The following OSBPL10 variants were observed in gnomAD, a reference collection of about 807,000 sequenced individuals.
OSBPL10 encodes the protein oxysterol-binding protein-related protein 10.
OSBPL10 carries 49 observed loss-of-function variants against 81.7 expected under a neutral mutation model. The observed-to-expected ratio is 0.60, with a 90% CI of 0.48 to 0.76. The LOEUF (loss-of-function observed/expected upper bound fraction) is 0.76. Ranked by LOEUF, OSBPL10 falls within the 30% of genes least tolerant of loss-of-function variation. The pLI is 0.00. For missense variants in OSBPL10, 923 were observed against 987.8 expected, an observed-to-expected ratio of 0.93 and a Z score of 0.88; for synonymous variants, 419 against 383.6, an observed-to-expected ratio of 1.09 and a Z score of -1.08.
At chr3:31,833,737 A>ACACACACACT (rs1491340793) in intron 3 of OSBPL10, among the ~76,000 whole-genome samples, 71 of 139,934 alleles carry the variant, frequency 5.1e-4, no homozygotes, top group East Asian at 2.7e-3. Flanking sequence ...ACACACACAC[A>ACACACACACT]CTCTCTCTCT....
chr3:32,067,751 CA>C (rs1276458926), intron 1 of OSBPL10, among the ~76,000 whole-genome samples: 4 of 152,198 alleles, frequency 2.6e-5, no homozygotes, highest in African/African-American at 9.6e-5. Flanking sequence ...CCACTACCCA[CA>C]AAACATTGCT....
chr3:31,865,305 G>A (rs905784800), intron 3 of OSBPL10, among the ~76,000 whole-genome samples: 27 of 152,194 alleles, frequency 1.8e-4, no homozygotes, highest in African/African-American at 6.5e-4. Context: ...TGTGGCTACT[G>A]AGCACTTGAA....
intron 1 of OSBPL10, among the ~76,000 whole-genome samples, chr3:31,957,096 C>T (rs1195772259): frequency 6.6e-6 from 1 of 151,548 alleles, no homozygotes; most frequent in East Asian, 2.0e-4. Flanking sequence ...GACTGTGCCA[C>T]TGCACTCCAG....
intron 1 of OSBPL10, among the ~76,000 whole-genome samples, chr3:31,951,943 A>G (rs878911802): frequency 3.3e-4 from 50 of 152,316 alleles, no homozygotes; most frequent in Middle Eastern, 3.4e-3. Context: ...AAGATTCAAG[A>G]ATCCCTGCCT....
In OSBPL10 at chr3:32,049,063, G is replaced by A. The variant is rs185346601; in HGVS notation, n.186-2460C>T. Among the ~76,000 whole-genome samples the A allele has an allele frequency of 3.4e-3, 522 of 152,290 alleles. 3 individuals are homozygous for A. Among genetic ancestry groups the A allele is most frequent in the African/African-American group, 0.012 (498 of 41,560 alleles). On this transcript the variant is annotated intron_variant and non_coding_transcript_variant, in intron 1 of 3. Coordinates refer to the OSBPL10 transcript ENST00000479173. ...AAGAGGGAAGGACCCCTCAGTTCCA[G>A]GAAATCCCTGCCCATTTCCCAGAAA...
chr3:32,017,546 T>C (rs1209238391), intron 2 of OSBPL10, among the ~76,000 whole-genome samples: 1 of 152,136 alleles, frequency 6.6e-6, no homozygotes, highest in African/African-American at 2.4e-5. Context: ...ATCTACTGTT[T>C]GGTCTGTTTG....
At chr3:31,968,893 T>C (rs1337627492) in intron 1 of OSBPL10, among the ~76,000 whole-genome samples, 1 of 152,228 alleles carries the variant, frequency 6.6e-6, no homozygotes, top group East Asian at 1.9e-4. Flanking sequence ...CAAAGAAATT[T>C]GCTGGAGCAA....
At chr3:31,753,555 T>C (rs1444334174) in intron 4 of OSBPL10, among the ~76,000 whole-genome samples, 1 of 152,184 alleles carries the variant, frequency 6.6e-6, no homozygotes, top group African/African-American at 2.4e-5. Flanking sequence ...ACATGGCTGC[T>C]TTATTATCCT....
In OSBPL10 at chr3:31,879,688, A is replaced by C; in HGVS notation, c.424T>G (p.Tyr142Asp). Residue 142 changes from tyrosine to aspartate, a missense_variant, in exon 2 of 12, where the codon TAC becomes GAC. Around this residue, in one of 3 missense-constraint regions of OSBPL10, gnomAD observed 514 missense variants for 508.0 expected, o/e 1.01. Transcript: ENST00000396556. ...SDEAPHMLVV[Y>D]SANGEMFKLR... Reference sequence around the variant, plus strand: ...TTAAACATCTCTCCATTAGCAGAGTACACCACCAGCATGTGGGGAGCTTCA... The same window carrying C: ...TTAAACATCTCTCCATTAGCAGAGTCCACCACCAGCATGTGGGGAGCTTCA... 6.2e-7 allele frequency: 1 copy of C among 1,614,186 alleles called. No homozygotes were observed. Among genetic ancestry groups the C allele is most frequent in the Non-Finnish European group, 8.5e-7 (1 of 1,180,020 alleles).
intron 6 of OSBPL10, among the ~76,000 whole-genome samples, chr3:31,732,135 T>G (rs1310161264): frequency 6.6e-6 from 1 of 152,200 alleles, no homozygotes; most frequent in African/African-American, 2.4e-5. Flanking sequence ...CTGATTCACT[T>G]ACACATCAGC....
rs1476265635 is a variant in OSBPL10, at chr3:31,719,956, T to C, written c.1095+13301A>G. Among the ~76,000 whole-genome samples, 9 of 151,606 alleles carry C rather than the reference T, an allele frequency of 5.9e-5. No homozygotes were observed. In the East Asian group the frequency reaches 1.5e-3, roughly 26 times the overall value. On this transcript the variant is annotated intron_variant, in intron 6 of 11. Coordinates refer to ENST00000396556, the MANE Select transcript of OSBPL10 (RefSeq NM_017784.5). ...ATCTCTACGTACTGACAAGGGAAGA[T>C]ACCTAAGATATATTGTCTAATTGAC...
At chr3:31,995,802 T>C (rs7634837) in intron 2 of OSBPL10, among the ~76,000 whole-genome samples, 54,055 of 152,038 alleles carry the variant, frequency 0.36, 13,273 homozygotes, top group African/African-American at 0.69. Context: ...TGACTTCCCG[T>C]GACACCCCAG....
At chr3:31,907,470 T>C (rs1371666086) in intron 1 of OSBPL10, among the ~76,000 whole-genome samples, 2 of 151,290 alleles carry the variant, frequency 1.3e-5, no homozygotes, top group East Asian at 3.9e-4. Context: ...CCACTAAAAA[T>C]ACAAAAAGTA....
At chr3:31,773,945 C>T (rs553888308) in intron 4 of OSBPL10, among the ~76,000 whole-genome samples, 2 of 152,204 alleles carry the variant, frequency 1.3e-5, no homozygotes, top group Non-Finnish European at 2.9e-5. Context: ...GGGTGGATCA[C>T]GAGGTCAGGA....
chr3:31,966,567 C>A (rs538284949), intron 1 of OSBPL10, among the ~76,000 whole-genome samples: 8 of 151,796 alleles, frequency 5.3e-5, no homozygotes, highest in Non-Finnish European at 1.0e-4. Flanking sequence ...AAAAGAAACA[C>A]GAACAAGTTA....
intron 7 of OSBPL10, among the ~76,000 whole-genome samples, chr3:31,688,722 G>A (rs919721384): frequency 1.1e-4 from 17 of 152,054 alleles, no homozygotes; most frequent in Admixed American, 9.8e-4. Flanking sequence ...TGCTTCTCTC[G>A]AGCAACATGA....
At chr3:31,874,917 C>A (rs1219739748) in intron 3 of OSBPL10, among the ~76,000 whole-genome samples, 1 of 151,958 alleles carries the variant, frequency 6.6e-6, no homozygotes, top group African/African-American at 2.4e-5. Context: ...CACATTACAG[C>A]ATTATATGTG....
chr3:31,662,275 C>A, intron 11 of OSBPL10, 159 bp from the exon 12 acceptor site: 1 of 1,402,340 alleles, frequency 7.1e-7, no homozygotes. Context: ...CCCAGCTGCT[C>A]TTTGGAGATC....
At chr3:31,839,511 G>GA (rs1304610363) in intron 3 of OSBPL10, among the ~76,000 whole-genome samples, 1 of 151,048 alleles carries the variant, frequency 6.6e-6, no homozygotes, top group Non-Finnish European at 1.5e-5. Flanking sequence ...AGCAGGGATA[G>GA]AAAAAAAGAA....
Sources: allele counts gnomAD v4.1 joint callset (sites outside exome capture counted in the v4.1 genomes callset), GRCh38; gene constraint gnomAD v4.1.1; regional missense constraint gnomAD v4.1.1; transcripts MANE v1.5; gene names NCBI Gene and HGNC (gene_info 2026-07-23, HGNC 2026-07-21).